Variants in SEC31B observed in about 807,000 individuals in gnomAD.
The protein encoded by SEC31B is SEC31 homolog B, COPII component, also known as protein transport protein Sec31B.
A neutral mutation model predicts 135.0 loss-of-function variants in SEC31B; 113 were observed. The observed-to-expected ratio is 0.84, with a 90% CI of 0.72 to 0.98. SEC31B has a LOEUF of 0.98. Ranked by LOEUF, SEC31B falls within the 50% of genes least tolerant of loss-of-function variation. The probability of loss-of-function intolerance (pLI) is 0.00; values close to 1 mark genes in which losing one functional copy is unlikely to be tolerated. For missense variants in SEC31B, 1,296 were observed against 1,421.1 expected, an observed-to-expected ratio of 0.91 and a Z score of 1.42; for synonymous variants, 508 against 549.4, an observed-to-expected ratio of 0.92 and a Z score of 1.05.
In SEC31B at chr10:100,487,646, GAC is replaced by G; in HGVS notation, c.3508_3509del (p.Val1170ProfsTer6). On this transcript the variant is annotated frameshift_variant, in exon 26 of 26. Transcript: ENST00000370345. LOFTEE classifies it high-confidence loss of function. ...VSSFMPILKA[V>X]LIIAHKLLV Reference sequence around the variant, plus strand: ...CCAGCAGCTTATGAGCGATGATGAGGACAGCCTTCAGGATAGGCATGAAGCTG... The same window carrying G: ...CCAGCAGCTTATGAGCGATGATGAGGAGCCTTCAGGATAGGCATGAAGCTG... 1 of 1,613,524 alleles carries G rather than the reference GAC, an allele frequency of 6.2e-7. No individual in the cohort carries two copies. Among genetic ancestry groups the G allele is most frequent in the African/African-American group, 1.3e-5 (1 of 75,046 alleles).
At chr10:100,495,243 T>C (rs1851383489) in intron 19 of SEC31B, 142 bp downstream of exon 19, 1 of 825,084 alleles carries the variant, frequency 1.2e-6, no homozygotes, top group Admixed American at 2.4e-5. Flanking sequence ...TAAACAGTTA[T>C]TTATTATAAA....
At chr10:100,498,826 T>C in intron 13 of SEC31B, 22 bp from the exon 14 acceptor site, 1 of 1,567,616 alleles carries the variant, frequency 6.4e-7, no homozygotes, top group South Asian at 1.1e-5. Context: ...AGGACAGAGG[T>C]GACTACTTAG....
chr10:100,505,013 T>C lies in SEC31B; in HGVS notation c.1179+348A>G, dbSNP rs144004634. Among the ~76,000 whole-genome samples, 1,186 of 151,726 alleles carry C rather than the reference T, an allele frequency of 7.8e-3. 26 individuals are homozygous for C. Among genetic ancestry groups the C allele is most frequent in the African/African-American group, 0.027 (1,109 of 41,280 alleles). On this transcript the variant is annotated intron_variant, in intron 10 of 25. Coordinates refer to ENST00000370345, the MANE Select transcript of SEC31B (RefSeq NM_015490.4). ...TGAACAGAGAAATGACAGAATAAAA[T>C]GGTTTTTTTTTTGCCTTCTTTGTAG... is the stretch of plus-strand genomic sequence containing the variant.
chr10:100,507,319 G>T, intron 7 of SEC31B, 106 bp downstream of exon 7: 1 of 1,432,070 alleles, frequency 7.0e-7, no homozygotes, highest in South Asian at 1.2e-5. Flanking sequence ...TGGCTTTAAA[G>T]CCAGGGAGGA....
At position 100,508,417 on chromosome 10, in the gene SEC31B, G is replaced by A. The variant is rs114697028; in HGVS notation, c.496-366C>T. ...CAAGACCCCAAGAGAGAGTGAGGCC[G>A]AGAGAAAAACCACAAGATGCTATCA... On this transcript the variant is annotated intron_variant, in intron 5 of 25. Transcript: ENST00000370345. 3.5e-3 allele frequency: 1,706 copies of A among 490,178 alleles called. 20 individuals carry two copies. The highest frequency in any genetic ancestry group is 0.028 in the African/African-American group (1,428 of 51,658). The allele number at this position is 490,178 out of a possible 1,614,324, so 30.4% of individuals were successfully genotyped here. A position where few individuals can be genotyped will look rare whatever the true frequency, so the allele number is the denominator to read the frequency against.
chr10:100,519,350 C>G (rs1203343775), intron 1 of SEC31B, among the ~76,000 whole-genome samples: 1 of 152,266 alleles, frequency 6.6e-6, no homozygotes, highest in Non-Finnish European at 1.5e-5. Flanking sequence ...CAGGAGGGCA[C>G]CAGCTACCCT....
chr10:100,496,539 C>A, intron 17 of SEC31B, 108 bp from the exon 18 acceptor site: 1 of 1,127,162 alleles, frequency 8.9e-7, no homozygotes, highest in East Asian at 2.5e-5. Context: ...GATGAGGGCA[C>A]CTGACCATAC....
At chr10:100,511,176 G>A (rs1851731229) in intron 3 of SEC31B, among the ~76,000 whole-genome samples, 1 of 152,232 alleles carries the variant, frequency 6.6e-6, no homozygotes. Context: ...CATACAGGGT[G>A]TGACAAAATG....
Position 100,487,559 on chromosome 10 carries a change from G to T in SEC31B, c.*57C>A. The T allele has an allele frequency of 2.0e-6, 3 of 1,478,024 alleles. No individual in the cohort carries two copies. Among genetic ancestry groups the T allele is most frequent in the South Asian group, 1.2e-5 (1 of 83,976 alleles). The allele number at this position is 1,478,024 out of a possible 1,614,324, so 91.6% of individuals were successfully genotyped here. A position where few individuals can be genotyped will look rare whatever the true frequency, so the allele number is the denominator to read the frequency against. Reference sequence around the variant, plus strand: ...ATCTGTTGCAGAAGTCCCCTCTTCTGCAGGGAGGAGTTATGTAACAGCAGA... The same window carrying T: ...ATCTGTTGCAGAAGTCCCCTCTTCTTCAGGGAGGAGTTATGTAACAGCAGA... On this transcript the variant is annotated 3_prime_UTR_variant, in exon 26 of 26. Coordinates refer to ENST00000370345, the MANE Select transcript of SEC31B (RefSeq NM_015490.4).
intron 19 of SEC31B, chr10:100,495,145 A>G (rs1851381452): frequency 2.1e-6 from 1 of 472,310 alleles, no homozygotes; most frequent in Non-Finnish European, 3.9e-6. Context: ...TATTTTTTAC[A>G]TATCTATCTT....
At chr10:100,511,918 C>T (rs548901226) in intron 3 of SEC31B, among the ~76,000 whole-genome samples, 2 of 152,244 alleles carry the variant, frequency 1.3e-5, no homozygotes, top group South Asian at 4.1e-4. Context: ...CCTCAATTTA[C>T]AGTGGGAAAA....
intron 24 of SEC31B, among the ~76,000 whole-genome samples, chr10:100,488,486 C>T (rs1172555992): frequency 6.7e-6 from 1 of 149,804 alleles, no homozygotes; most frequent in Non-Finnish European, 1.5e-5. Context: ...AAAATCACAG[C>T]ATATTAGAGC....
intron 10 of SEC31B, among the ~76,000 whole-genome samples, chr10:100,503,734 C>A (rs927084380): frequency 2.0e-5 from 3 of 148,068 alleles, no homozygotes; most frequent in African/African-American, 7.5e-5. Context: ...CAGCGCCTGG[C>A]CGACAACTTT....
intron 7 of SEC31B, among the ~76,000 whole-genome samples, chr10:100,506,654 A>G (rs941570234): frequency 1.3e-5 from 2 of 152,218 alleles, no homozygotes; most frequent in African/African-American, 4.8e-5. Context: ...GCACTATGCA[A>G]TGTACCACTC....
chr10:100,495,350 T>C (rs1406174499), intron 19 of SEC31B, 35 bp downstream of exon 19: 1 of 1,591,504 alleles, frequency 6.3e-7, no homozygotes, highest in East Asian at 2.2e-5. Flanking sequence ...CACGTATTAT[T>C]GAATGAACAA....
At chr10:100,508,758 A>G (rs1564653238) in intron 5 of SEC31B, 4 of 547,372 alleles carry the variant, frequency 7.3e-6, no homozygotes, top group South Asian at 4.2e-5. Flanking sequence ...GCTCTCCCCA[A>G]CTTTCATCTG....
rs1252341383 is a variant in SEC31B at position 100,506,158 on chromosome 10, AC to A, written c.925del (p.Val309CysfsTer25). On this transcript the variant is annotated frameshift_variant, in exon 9 of 26. Transcript: ENST00000370345. LOFTEE classifies it high-confidence loss of function. ...TGAAGGGTCCCGAGGGCACCACTGC[AC>A]ATCAAAGCACCAGCTGCTCTGTGTT... ...LPTQSSWCFD[V>X]QWCPRDPSVF... is the part of the protein sequence containing the mutation. 6.2e-7 allele frequency: 1 copy of A among 1,614,124 alleles called. No individual in the cohort carries two copies. The highest frequency in any genetic ancestry group is 1.3e-5 in the African/African-American group (1 of 74,936).
intron 3 of SEC31B, among the ~76,000 whole-genome samples, chr10:100,512,009 A>T (rs554090523): frequency 6.6e-6 from 1 of 152,374 alleles, no homozygotes; most frequent in South Asian, 2.1e-4. Context: ...TCCAACAACT[A>T]ACCCATGCTC....
chr10:100,516,886 ACAAAGGGTATT>A lies in SEC31B; in HGVS notation c.56_66del (p.Gln19LeufsTer25). On this transcript the variant is annotated frameshift_variant, in exon 2 of 26. Coordinates refer to ENST00000370345, the MANE Select transcript of SEC31B (RefSeq NM_015490.4). LOFTEE classifies it high-confidence loss of function. Reference sequence around the variant, plus strand: ...AGTGTCACCATACCTGTGGCCAGATACAAAGGGTATTGGCTGGCTGGGCTCCATGCCTGGAC... The same window carrying A: ...AGTGTCACCATACCTGTGGCCAGATAGGCTGGCTGGGCTCCATGCCTGGAC... The A allele has an allele frequency of 6.2e-7, 1 of 1,613,924 alleles. No homozygotes were observed.
Sources: allele counts gnomAD v4.1 joint callset (sites outside exome capture counted in the v4.1 genomes callset), GRCh38; gene constraint gnomAD v4.1.1; transcripts MANE v1.5; gene names NCBI Gene and HGNC (gene_info 2026-07-23, HGNC 2026-07-21).